Variants in PREPL observed in about 807,000 individuals in gnomAD.
The protein encoded by PREPL is prolyl endopeptidase like, also known as prolyl endopeptidase-like.
In PREPL, 77 loss-of-function variants were observed where a neutral mutation model predicts 70.6. The ratio of observed to expected loss-of-function variants is 1.09; its 90% CI spans 0.91 to 1.32. The LOEUF (loss-of-function observed/expected upper bound fraction) is 1.32. Among genes scored for constraint, PREPL ranks in the 40% most tolerant of loss-of-function variants. The probability of loss-of-function intolerance (pLI) is 0.00; values close to 1 mark genes in which losing one functional copy is unlikely to be tolerated. For synonymous variants in PREPL, 315 were observed against 264.8 expected (o/e 1.19, Z -1.84); for missense variants, 1,002 against 778.2 (o/e 1.29, Z -3.42).
chr2:44,320,008 C>A lies in PREPL; in HGVS notation c.*1348G>T. 1.7e-6 allele frequency: 1 copy of A among 590,046 alleles called. No homozygotes were observed. Among genetic ancestry groups the A allele is most frequent in the Non-Finnish European group, 3.0e-6 (1 of 335,128 alleles). The allele number at this position is 590,046 out of a possible 1,614,324, so 36.6% of individuals were successfully genotyped here. ...TTGACTCCCAGACAAGCCGAAACCCCGAATTTGTCATTTCTATCAGTTTTT... is the reference window on the plus strand; with the variant it reads ...TTGACTCCCAGACAAGCCGAAACCCAGAATTTGTCATTTCTATCAGTTTTT... On this transcript the variant is annotated 3_prime_UTR_variant, in exon 14 of 14. Transcript: ENST00000409411.
intron 1 of PREPL, among the ~76,000 whole-genome samples, chr2:44,359,172 G>C (rs1411306582): frequency 6.7e-6 from 1 of 148,994 alleles, no homozygotes. Flanking sequence ...GGGTTCAAGA[G>C]ATTCTCTGCC....
chr2:44,335,866 C>A (rs1365407217), intron 7 of PREPL, among the ~76,000 whole-genome samples: 1 of 151,036 alleles, frequency 6.6e-6, no homozygotes, highest in East Asian at 1.9e-4. Flanking sequence ...CAGAAAAAAA[C>A]CCCAACACCA....
intron 4 of PREPL, 150 bp from the exon 5 acceptor site, chr2:44,342,702 T>C: frequency 1.5e-6 from 1 of 647,320 alleles, no homozygotes; most frequent in Non-Finnish European, 2.6e-6. Flanking sequence ...ATCTAATCTG[T>C]GCTGTATATA....
intron 10 of PREPL, among the ~76,000 whole-genome samples, chr2:44,324,644 G>C (rs1673313722): frequency 6.6e-6 from 1 of 152,202 alleles, no homozygotes; most frequent in Non-Finnish European, 1.5e-5. Context: ...TTGGGAGGCT[G>C]AGGTGGGCAA....
chr2:44,320,765 G>A lies in PREPL; in HGVS notation c.*591C>T. ...TCTTCGATATTTCTGTAGCTTGAAT[G>A]TAACTGCTTTAAGAAAGGTTCTCAA... is the stretch of plus-strand genomic sequence containing the variant. On this transcript the variant is annotated 3_prime_UTR_variant, in exon 14 of 14. Transcript: ENST00000409411. 1.2e-6 allele frequency: 1 copy of A among 817,566 alleles called. No homozygotes were observed. The highest frequency in any genetic ancestry group is 2.0e-6 in the Non-Finnish European group (1 of 488,246). 50.6% of individuals were successfully genotyped at this position (817,566 alleles called of 1,614,324 possible).
At chr2:44,349,350 G>C (rs567654804) in intron 1 of PREPL, among the ~76,000 whole-genome samples, 71 of 152,176 alleles carry the variant, frequency 4.7e-4, no homozygotes, top group South Asian at 1.2e-3. Context: ...AAGTTTAATG[G>C]AGACATGTCA....
chr2:44,351,364 C>T (rs1037660584), intron 1 of PREPL, among the ~76,000 whole-genome samples: 2 of 152,056 alleles, frequency 1.3e-5, no homozygotes, highest in African/African-American at 2.4e-5. Context: ...ATGCTAAGGA[C>T]TCCCAAATTT....
intron 1 of PREPL, among the ~76,000 whole-genome samples, chr2:44,353,429 A>T (rs1572568198): frequency 6.7e-6 from 1 of 149,804 alleles, no homozygotes; most frequent in African/African-American, 2.4e-5. Flanking sequence ...TACTAAAAAT[A>T]AAAAAAAAAT....
chr2:44,327,079 T>C (rs1365785674), intron 9 of PREPL, 151 bp from the exon 10 acceptor site: 1 of 667,962 alleles, frequency 1.5e-6, no homozygotes, highest in Admixed American at 2.7e-5. Flanking sequence ...AAACAAGGAA[T>C]GTGCAACAGA....
intron 1 of PREPL, among the ~76,000 whole-genome samples, chr2:44,357,053 G>A (rs893663491): frequency 2.6e-5 from 4 of 152,138 alleles, no homozygotes; most frequent in Admixed American, 6.5e-5. Context: ...CAATCTGCTC[G>A]CCTTGGCCTC....
At chr2:44,321,806 G>T in intron 13 of PREPL, 21 bp downstream of exon 13, 6 of 1,613,826 alleles carry the variant, frequency 3.7e-6, no homozygotes, top group Non-Finnish European at 4.2e-6. Context: ...TCTGTCCACT[G>T]AGAGGGCCTT....
At chr2:44,344,698 A>G in intron 2 of PREPL, 112 bp from the exon 3 acceptor site, 1 of 693,844 alleles carries the variant, frequency 1.4e-6, no homozygotes, top group Non-Finnish European at 2.3e-6. Flanking sequence ...AGACCTGTTG[A>G]AGTATATGAA....
At position 44,320,080 on chromosome 2, in the gene PREPL, T is replaced by C; in HGVS notation, c.*1276A>G. 3 of 833,522 alleles carry C rather than the reference T, an allele frequency of 3.6e-6. No homozygotes were observed. In the Admixed American group the frequency reaches 7.9e-5, roughly 22 times the overall value. 51.6% of individuals were successfully genotyped at this position (833,522 alleles called of 1,614,324 possible). The stretch of plus-strand genomic sequence containing the variant: ...TTATTGATGCTTACAATTTGGCAAT[T>C]ATAAGGGGCAAAATTGGAGCAAGTG... On this transcript the variant is annotated 3_prime_UTR_variant, in exon 14 of 14. Transcript: ENST00000409411.
rs1674971927 is a variant in PREPL, at chr2:44,339,340, G to T, written c.509C>A (p.Thr170Lys). The T allele has an allele frequency of 1.9e-6, 3 of 1,613,802 alleles. No homozygotes were observed. Among genetic ancestry groups the T allele is most frequent in the Non-Finnish European group, 2.5e-6 (3 of 1,179,942 alleles). ...DPSYFVFLYL[T>K]KDSRFLTINI... Reference sequence around the variant, plus strand: ...TATGGTGAGGAAACGACTGTCTTTTGTAAGATAAAGGAAAACAAAGTAGCT... The same window carrying T: ...TATGGTGAGGAAACGACTGTCTTTTTTAAGATAAAGGAAAACAAAGTAGCT... Residue 170 changes from threonine (T) to lysine (K), a missense_variant, in exon 6 of 14, where the codon ACA becomes AAA. Transcript: ENST00000409411.
chr2:44,348,946 G>A (rs1489461105), intron 1 of PREPL, among the ~76,000 whole-genome samples: 2 of 152,142 alleles, frequency 1.3e-5, no homozygotes, highest in Non-Finnish European at 2.9e-5. Context: ...TTTTAGCCAG[G>A]TATCTTAGTC....
chr2:44,355,841 T>C (rs1474062992), intron 1 of PREPL, among the ~76,000 whole-genome samples: 1 of 151,180 alleles, frequency 6.6e-6, no homozygotes, highest in African/African-American at 2.4e-5. Flanking sequence ...ATTGTAGAAA[T>C]AGGCAAATGA....
intron 1 of PREPL, among the ~76,000 whole-genome samples, chr2:44,356,743 G>C (rs1269212405): frequency 6.6e-6 from 1 of 152,140 alleles, no homozygotes; most frequent in African/African-American, 2.4e-5. Context: ...AAGGTAACAA[G>C]AGGTATAGAA....
Position 44,339,033 on chromosome 2 carries a change from T to C in PREPL, c.702+114A>G, listed in dbSNP as rs1674936101. 11 of 1,479,712 alleles carry C rather than the reference T, an allele frequency of 7.4e-6. No homozygotes were observed. In the Admixed American group the frequency reaches 1.6e-4, roughly 21 times the overall value. The allele number at this position is 1,479,712 out of a possible 1,614,324, so 91.7% of individuals were successfully genotyped here. A position where few individuals can be genotyped will look rare whatever the true frequency, so the allele number is the denominator to read the frequency against. On this transcript the variant is annotated intron_variant, in intron 6 of 13. Coordinates refer to ENST00000409411, the MANE Select transcript of PREPL (RefSeq NM_001171613.2). ...GAAAAGAAATGGGATTGGTTATACATAGGAAGGTGGCATCAATTTATAAAA... is the reference window on the plus strand; with the variant it reads ...GAAAAGAAATGGGATTGGTTATACACAGGAAGGTGGCATCAATTTATAAAA...
At chr2:44,356,824 G>A (rs1421554445) in intron 1 of PREPL, among the ~76,000 whole-genome samples, 2 of 130,944 alleles carry the variant, frequency 1.5e-5, no homozygotes, top group African/African-American at 2.9e-5. Flanking sequence ...TTTTTTTTTT[G>A]AGACAGGGTA....
Sources: allele counts gnomAD v4.1 joint callset (sites outside exome capture counted in the v4.1 genomes callset), GRCh38; gene constraint gnomAD v4.1.1; transcripts MANE v1.5; gene names NCBI Gene and HGNC (gene_info 2026-07-23, HGNC 2026-07-21).